TRPC5: variants seen among roughly 807,000 people sequenced by gnomAD.
The protein encoded by TRPC5 is transient receptor potential cation channel subfamily C member 5.
TRPC5 carries 9 observed loss-of-function variants against 56.5 expected under a neutral mutation model. The observed-to-expected ratio is 0.16, with a 90% confidence interval of 0.10 to 0.28. The LOEUF (loss-of-function observed/expected upper bound fraction) is 0.28. Ranked by LOEUF, TRPC5 falls within the 10% of genes least tolerant of loss-of-function variation. The pLI is 1.00. For missense variants in TRPC5, 469 were observed against 748.9 expected (o/e 0.63, Z 4.36); for synonymous variants, 282 against 278.5 (o/e 1.01, Z -0.13).
At chrX:112,023,398 A>T (rs749422643) in intron 1 of TRPC5, among the ~76,000 whole-genome samples, 3 of 104,467 alleles carry the variant, frequency 2.9e-5, no homozygotes, top group Non-Finnish European at 5.8e-5. Context: ...TGGGTTTCTC[A>T]CAGTCCTTGG....
At chrX:111,961,046 G>A (rs1291367036) in intron 1 of TRPC5, among the ~76,000 whole-genome samples, 2 of 111,355 alleles carry the variant, frequency 1.8e-5, no homozygotes, top group Non-Finnish European at 3.8e-5. Context: ...TCCTGATCTC[G>A]TGATCTGTCT....
chrX:111,846,671 A>C (rs1461647510), intron 6 of TRPC5, among the ~76,000 whole-genome samples: 1 of 111,943 alleles, frequency 8.9e-6, no homozygotes. Flanking sequence ...GGGTGCATTA[A>C]GATATGTTTG....
intron 1 of TRPC5, among the ~76,000 whole-genome samples, chrX:112,067,539 G>T (rs1178909066): frequency 9.0e-6 from 1 of 111,577 alleles, no homozygotes; most frequent in African/African-American, 3.3e-5. Context: ...CATCCTAATT[G>T]TCTCTGCTAC....
intron 1 of TRPC5, among the ~76,000 whole-genome samples, chrX:111,969,220 A>G (rs1057490049): frequency 9.0e-6 from 1 of 110,978 alleles, no homozygotes; most frequent in African/African-American, 3.3e-5. Context: ...TTAGCAATAC[A>G]GTATTTTAAA....
At chrX:111,871,850 G>A (rs1923773121) in intron 3 of TRPC5, among the ~76,000 whole-genome samples, 1 of 111,561 alleles carries the variant, frequency 9.0e-6, no homozygotes, top group South Asian at 3.8e-4. Flanking sequence ...TGGGAGGTAG[G>A]GCCTAGTGAA....
At chrX:112,023,257 T>G (rs199907878) in intron 1 of TRPC5, among the ~76,000 whole-genome samples, 73 of 93,798 alleles carry the variant, frequency 7.8e-4, no homozygotes, top group Middle Eastern at 0.01. Context: ...TTTTTTTTTT[T>G]TTTTTTTTTT....
chrX:111,910,864 C>T (rs139684688), intron 3 of TRPC5, among the ~76,000 whole-genome samples: 139 of 112,782 alleles, frequency 1.2e-3, no homozygotes, highest in African/African-American at 4.3e-3. Context: ...ACTGTATGCT[C>T]GGTATTTCGC....
intron 7 of TRPC5, among the ~76,000 whole-genome samples, chrX:111,816,908 A>G (rs750549166): frequency 1.2e-4 from 13 of 111,871 alleles, no homozygotes; most frequent in Admixed American, 4.8e-4. Context: ...TGGGTAATAT[A>G]AAATATGTAT....
chrX:112,069,599 T>C (rs920142301), intron 1 of TRPC5, among the ~76,000 whole-genome samples: 2 of 112,270 alleles, frequency 1.8e-5, no homozygotes, highest in Non-Finnish European at 3.8e-5. Flanking sequence ...GTGGGCACCT[T>C]TTTAGGAAAA....
chrX:111,860,477 TTTG>T, intron 3 of TRPC5, among the ~76,000 whole-genome samples: 1 of 112,438 alleles, frequency 8.9e-6, no homozygotes, highest in South Asian at 3.7e-4. Context: ...TTCTGTACGT[TTTG>T]TTGTTGTTAT....
intron 7 of TRPC5, among the ~76,000 whole-genome samples, chrX:111,823,964 C>A (rs1922108706): frequency 9.0e-6 from 1 of 111,314 alleles, no homozygotes; most frequent in Non-Finnish European, 1.9e-5. Flanking sequence ...GGAGTGGTGG[C>A]TCATGCCTGT....
chrX:111,947,580 C>T (rs929212521), intron 2 of TRPC5, among the ~76,000 whole-genome samples: 1 of 111,116 alleles, frequency 9.0e-6, no homozygotes, highest in African/African-American at 3.3e-5. Context: ...CTGCCCACCT[C>T]GGACAAATCC....
intron 3 of TRPC5, among the ~76,000 whole-genome samples, chrX:111,893,443 A>G (rs1327569971): frequency 9.0e-6 from 1 of 111,715 alleles, no homozygotes; most frequent in Non-Finnish European, 1.9e-5. Flanking sequence ...TCATGTTTGA[A>G]CAGTGTTTTG....
At chrX:111,875,072 G>A (rs1026778026) in intron 3 of TRPC5, among the ~76,000 whole-genome samples, 2 of 111,967 alleles carry the variant, frequency 1.8e-5, no homozygotes, top group African/African-American at 6.5e-5. Context: ...CTGTGCCTCT[G>A]TATCCTCCTC....
intron 7 of TRPC5, among the ~76,000 whole-genome samples, chrX:111,816,895 C>G (rs1921875444): frequency 9.0e-6 from 1 of 111,370 alleles, no homozygotes; most frequent in Non-Finnish European, 1.9e-5. Context: ...ACATAGAGGC[C>G]TCTGGGTAAT....
At chrX:112,029,920 C>T (rs1011864982) in intron 1 of TRPC5, among the ~76,000 whole-genome samples, 4 of 110,106 alleles carry the variant, frequency 3.6e-5, no homozygotes, top group Non-Finnish European at 7.6e-5. Flanking sequence ...CTCTGCCTCC[C>T]GGGTTCAAGC....
chrX:111,886,882 A>T (rs1371550557), intron 3 of TRPC5, among the ~76,000 whole-genome samples: 1 of 112,850 alleles, frequency 8.9e-6, no homozygotes, highest in Non-Finnish European at 1.9e-5. Flanking sequence ...TATCCTGAGG[A>T]CAAAATAGTT....
At chrX:112,073,038 A>G (rs756475294) in intron 1 of TRPC5, among the ~76,000 whole-genome samples, 1 of 111,981 alleles carries the variant, frequency 8.9e-6, no homozygotes, top group East Asian at 2.8e-4. Flanking sequence ...TTCATACTTT[A>G]TAATGCTTTC....
intron 2 of TRPC5, among the ~76,000 whole-genome samples, chrX:111,916,284 TG>T (rs1435667966): frequency 8.9e-6 from 1 of 112,119 alleles, no homozygotes; most frequent in African/African-American, 3.2e-5. Flanking sequence ...AAGGGTTAGA[TG>T]ATTAGCTCTG....
Sources: allele counts gnomAD v4.1 joint callset (sites outside exome capture counted in the v4.1 genomes callset), GRCh38; gene constraint gnomAD v4.1.1; transcripts MANE v1.5; gene names NCBI Gene and HGNC (gene_info 2026-07-23, HGNC 2026-07-21).